The following MGAT4C variants were observed in gnomAD, a reference collection of about 807,000 sequenced individuals.
The protein encoded by MGAT4C is alpha-1,3-mannosyl-glycoprotein 4-beta-N-acetylglucosaminyltransferase C.
In MGAT4C, 19 loss-of-function variants were observed where a neutral mutation model predicts 40.1. The ratio of observed to expected loss-of-function variants is 0.47; its 90% CI spans 0.33 to 0.70. The LOEUF (loss-of-function observed/expected upper bound fraction) is 0.70. MGAT4C is among the 30% of genes least tolerant of loss of function. The probability of loss-of-function intolerance (pLI) is 0.02; values close to 1 mark genes in which losing one functional copy is unlikely to be tolerated. For missense variants in MGAT4C, 491 were observed against 563.2 expected (o/e 0.87, Z 1.30); for synonymous variants, 181 against 187.1 (o/e 0.97, Z 0.27).
At chr12:86,602,451 A>C (rs1371211529) in intron 2 of MGAT4C, among the ~76,000 whole-genome samples, 1 of 152,202 alleles carries the variant, frequency 6.6e-6, no homozygotes, top group East Asian at 1.9e-4. Flanking sequence ...AATAATATCA[A>C]AGAGCACAAT....
At chr12:86,016,864 T>C (rs1236583262) in intron 2 of MGAT4C, among the ~76,000 whole-genome samples, 1 of 152,152 alleles carries the variant, frequency 6.6e-6, no homozygotes, top group Admixed American at 6.5e-5. Flanking sequence ...TCCACATTTG[T>C]CTCTCATTTT....
chr12:86,216,867 T>C (rs965078899), intron 1 of MGAT4C, among the ~76,000 whole-genome samples: 16 of 152,318 alleles, frequency 1.1e-4, no homozygotes, highest in African/African-American at 3.6e-4. Context: ...AATAAGCTCA[T>C]GTTATCTTTG....
chr12:86,072,717 T>G (rs1868811837), intron 1 of MGAT4C, among the ~76,000 whole-genome samples: 1 of 151,950 alleles, frequency 6.6e-6, no homozygotes, highest in Non-Finnish European at 1.5e-5. Context: ...GGGAGAGAAA[T>G]TTCCAGATTG....
At chr12:86,613,849 C>G (rs1372012562) in intron 2 of MGAT4C, among the ~76,000 whole-genome samples, 3 of 151,920 alleles carry the variant, frequency 2.0e-5, no homozygotes, top group Admixed American at 2.0e-4. Flanking sequence ...TTGAACAAAA[C>G]AGGAAGTACA....
chr12:86,260,712 A>T (rs1279625023), upstream of MGAT4C, among the ~76,000 whole-genome samples: 1 of 152,094 alleles, frequency 6.6e-6, no homozygotes. Flanking sequence ...CACCATGACA[A>T]GGAGCAAGTT....
At chr12:86,294,866 T>A (rs760636801) in intron 4 of MGAT4C, among the ~76,000 whole-genome samples, 2 of 152,180 alleles carry the variant, frequency 1.3e-5, no homozygotes, top group Non-Finnish European at 2.9e-5. Context: ...CCATTTTCCC[T>A]TCCTTCTCTA....
intron 3 of MGAT4C, among the ~76,000 whole-genome samples, chr12:86,357,043 C>T (rs1342571962): frequency 1.3e-5 from 2 of 152,286 alleles, no homozygotes; most frequent in East Asian, 3.9e-4. Flanking sequence ...TCCCTGACCC[C>T]CAAGTAGCCT....
At chr12:86,237,808 A>G (rs974153116) in intron 1 of MGAT4C, among the ~76,000 whole-genome samples, 31 of 151,994 alleles carry the variant, frequency 2.0e-4, no homozygotes, top group Non-Finnish European at 4.3e-4. Flanking sequence ...CAGTGTAATT[A>G]ACTGTAACAG....
intron 4 of MGAT4C, among the ~76,000 whole-genome samples, chr12:86,309,993 AAAG>A (rs76090135): frequency 0.079 from 12,005 of 152,238 alleles, 663 homozygotes; most frequent in Middle Eastern, 0.21. Context: ...AAAGCAACAA[AAAG>A]AAGACTTTAT....
intron 2 of MGAT4C, among the ~76,000 whole-genome samples, chr12:86,633,599 T>C (rs1963128925): frequency 6.6e-6 from 1 of 152,138 alleles, no homozygotes; most frequent in Admixed American, 6.6e-5. Context: ...ATGCAATAAA[T>C]TATGGCAAAA....
chr12:86,583,121 C>T (rs1450094927), intron 2 of MGAT4C, among the ~76,000 whole-genome samples: 1 of 151,082 alleles, frequency 6.6e-6, no homozygotes, highest in Non-Finnish European at 1.5e-5. Context: ...AAATTAAAAT[C>T]AGAATATTTT....
At chr12:86,362,318 C>T (rs1306640091) in intron 3 of MGAT4C, among the ~76,000 whole-genome samples, 2 of 151,980 alleles carry the variant, frequency 1.3e-5, no homozygotes, top group African/African-American at 4.8e-5. Flanking sequence ...TGGGGAACAT[C>T]GCCCATTGGG....
At chr12:86,433,701 C>G (rs1222209374) in intron 3 of MGAT4C, among the ~76,000 whole-genome samples, 1 of 151,792 alleles carries the variant, frequency 6.6e-6, no homozygotes, top group Non-Finnish European at 1.5e-5. Context: ...TAAATGAGGG[C>G]AGAACAAGGG....
chr12:86,745,870 C>T (rs923130283), intron 1 of MGAT4C, among the ~76,000 whole-genome samples: 1 of 151,674 alleles, frequency 6.6e-6, no homozygotes, highest in Admixed American at 6.6e-5. Flanking sequence ...AATAGAAATT[C>T]AGCTTCAGGA....
At position 86,603,312 on chromosome 12, in the gene MGAT4C, A is replaced by AGT. The variant is rs1258621408; in HGVS notation, c.-229+123895_-229+123896dup. Among the ~76,000 whole-genome samples, 369 of 139,316 alleles carry AGT rather than the reference A, an allele frequency of 2.6e-3. 1 individual carries two copies. Among genetic ancestry groups the AGT allele is most frequent in the Non-Finnish European group, 4.3e-3 (285 of 65,650 alleles). The allele number at this position is 139,316 out of a possible 152,430, so 91.4% of individuals were successfully genotyped here. A position where few individuals can be genotyped will look rare whatever the true frequency, so the allele number is the denominator to read the frequency against. On this transcript the variant is annotated intron_variant, in intron 2 of 7. Coordinates refer to the MGAT4C transcript ENST00000548651. ...TATATAGTATAGCATATAATTATAT[A>AGT]GTATATATATAAAATTATATAGTAT...
chr12:86,454,081 G>GA (rs1412020878), intron 2 of MGAT4C, among the ~76,000 whole-genome samples: 2 of 151,664 alleles, frequency 1.3e-5, no homozygotes, highest in Admixed American at 6.6e-5. Context: ...AACTATAAAG[G>GA]AAAAAAATAA....
At chr12:86,826,232 T>A (rs1420818750) in intron 1 of MGAT4C, among the ~76,000 whole-genome samples, 3 of 151,492 alleles carry the variant, frequency 2.0e-5, no homozygotes, top group African/African-American at 7.3e-5. Flanking sequence ...TCCTGTGTTA[T>A]GTGACTCCCC....
At chr12:86,321,762 T>C (rs1197176583) in intron 4 of MGAT4C, among the ~76,000 whole-genome samples, 1 of 152,146 alleles carries the variant, frequency 6.6e-6, no homozygotes, top group Admixed American at 6.6e-5. Flanking sequence ...GGAACACTTT[T>C]ACACTGTTGG....
At chr12:86,380,451 G>A (rs1464264215) in intron 3 of MGAT4C, among the ~76,000 whole-genome samples, 1 of 151,556 alleles carries the variant, frequency 6.6e-6, no homozygotes, top group Non-Finnish European at 1.5e-5. Flanking sequence ...TTGTATGCCA[G>A]AAATAAAAAA....
Sources: allele counts gnomAD v4.1 joint callset (sites outside exome capture counted in the v4.1 genomes callset), GRCh38; gene constraint gnomAD v4.1.1; transcripts MANE v1.5; gene names NCBI Gene and HGNC (gene_info 2026-07-23, HGNC 2026-07-21).